Variants in PIBF1 observed in about 807,000 individuals in gnomAD.
PIBF1 encodes progesterone immunomodulatory binding factor 1.
In PIBF1, 90 loss-of-function variants were observed where a neutral mutation model predicts 112.5. That is an observed-to-expected ratio of 0.80 (90% CI 0.67 to 0.95). The LOEUF (loss-of-function observed/expected upper bound fraction) is 0.95, where lower values mean the gene tolerates loss of function less well. Among genes scored for constraint, PIBF1 ranks in the 40% least tolerant of loss-of-function variants. The pLI, the probability that PIBF1 is intolerant of heterozygous loss-of-function variation, is 0.00. For synonymous variants in PIBF1, 301 were observed against 288.6 expected, an observed-to-expected ratio of 1.04 and a Z score of -0.44; for missense variants, 915 against 852.3, an observed-to-expected ratio of 1.07 and a Z score of -0.92.
At chr13:72,827,202 A>T (rs965257694) in intron 7 of PIBF1, 84 bp downstream of exon 7, 37 of 499,186 alleles carry the variant, frequency 7.4e-5, no homozygotes, top group Non-Finnish European at 9.9e-5. Context: ...AAGGAGAGAC[A>T]TTTTTTTTGT....
chr13:72,835,392 T>C (rs778857583), intron 9 of PIBF1, 24 bp downstream of exon 9: 2 of 1,498,044 alleles, frequency 1.3e-6, no homozygotes, highest in Admixed American at 2.3e-5. Context: ...AATGCTTGTA[T>C]GGTATTTTAT....
chr13:72,857,494 G>C (rs956266863), intron 10 of PIBF1, among the ~76,000 whole-genome samples: 1 of 152,198 alleles, frequency 6.6e-6, no homozygotes, highest in Non-Finnish European at 1.5e-5. Flanking sequence ...TCATGTGACT[G>C]ATTTTCCCTT....
intron 14 of PIBF1, among the ~76,000 whole-genome samples, chr13:72,949,127 C>T (rs1004338670): frequency 6.6e-6 from 1 of 152,080 alleles, no homozygotes; most frequent in African/African-American, 2.4e-5. Flanking sequence ...ATACTGAATA[C>T]TGTAATATAT....
chr13:72,975,747 T>C (rs2043004648), intron 16 of PIBF1, among the ~76,000 whole-genome samples: 1 of 152,202 alleles, frequency 6.6e-6, no homozygotes, highest in Admixed American at 6.5e-5. Context: ...TTCTAGACCT[T>C]ATCCATCACC....
intron 14 of PIBF1, among the ~76,000 whole-genome samples, chr13:72,959,390 CT>C (rs1190226547): frequency 6.6e-6 from 1 of 152,106 alleles, no homozygotes; most frequent in Non-Finnish European, 1.5e-5. Context: ...TCAAGCAGGC[CT>C]TTTTCATTCC....
At chr13:72,859,165 G>T (rs2038581165) in intron 10 of PIBF1, among the ~76,000 whole-genome samples, 1 of 152,140 alleles carries the variant, frequency 6.6e-6, no homozygotes, top group Non-Finnish European at 1.5e-5. Context: ...AGCCATGCTT[G>T]CAATGGTTTT....
rs748579711 is a variant in PIBF1 at position 72,797,981 on chromosome 13, A to C, written c.627A>C (p.Ala209=). The change falls in exon 5 of 18, where the codon GCA becomes GCC. Residue 209 remains alanine (A), a synonymous_variant. Transcript: ENST00000326291. ...CELQVKKNIL[A]EELSTNKNQL... The stretch of plus-strand genomic sequence containing the variant: ...TACAAGTGAAAAAGAATATCCTAGC[A>C]GAAGAATTAAGTACAAACAAAAACC... The C allele has an allele frequency of 1.4e-5, 22 of 1,609,744 alleles. No individual in the cohort carries two copies. Among genetic ancestry groups the C allele is most frequent in the South Asian group, 5.5e-5 (5 of 90,168 alleles).
intron 10 of PIBF1, among the ~76,000 whole-genome samples, chr13:72,888,774 T>TA (rs55817912): frequency 0.12 from 17,347 of 145,534 alleles, 1,282 homozygotes; most frequent in Non-Finnish European, 0.17. Flanking sequence ...GCCATTTGTT[T>TA]AAAAAAAAAA....
chr13:72,890,680 C>T (rs2040022119), intron 10 of PIBF1, among the ~76,000 whole-genome samples: 1 of 152,076 alleles, frequency 6.6e-6, no homozygotes, highest in South Asian at 2.1e-4. Context: ...ATAATACTGA[C>T]TTACCTCAAA....
chr13:72,998,019 C>T (rs1303660194), intron 16 of PIBF1, among the ~76,000 whole-genome samples: 1 of 152,112 alleles, frequency 6.6e-6, no homozygotes, highest in Non-Finnish European at 1.5e-5. Flanking sequence ...TGAAGCCAAC[C>T]CCACTTATCA....
intron 3 of PIBF1, 61 bp downstream of exon 3, chr13:72,792,608 T>C (rs1302161144): frequency 1.2e-5 from 10 of 833,032 alleles, no homozygotes. Flanking sequence ...AGTAATTTTA[T>C]TGCCTGTTCA....
intron 11 of PIBF1, among the ~76,000 whole-genome samples, chr13:72,896,222 C>T (rs988545711): frequency 6.6e-6 from 1 of 152,024 alleles, no homozygotes. Context: ...CATTTTGGCT[C>T]ACGGGAAGCC....
chr13:72,903,758 T>G (rs9318124), intron 11 of PIBF1, among the ~76,000 whole-genome samples: 113,155 of 152,046 alleles, frequency 0.74, 42,492 homozygotes, highest in African/African-American at 0.82. Flanking sequence ...AAGAAAAATG[T>G]AAGGTATTTT....
chr13:72,922,583 A>G (rs1186662342), intron 13 of PIBF1, among the ~76,000 whole-genome samples: 3 of 152,160 alleles, frequency 2.0e-5, no homozygotes, highest in Non-Finnish European at 4.4e-5. Flanking sequence ...TAAACCTTTC[A>G]AATTGTGAGA....
intron 5 of PIBF1, among the ~76,000 whole-genome samples, chr13:72,808,973 A>G (rs1280171945): frequency 6.6e-6 from 1 of 152,180 alleles, no homozygotes; most frequent in Non-Finnish European, 1.5e-5. Flanking sequence ...GCAATTAAGA[A>G]AACAAATTTT....
intron 14 of PIBF1, among the ~76,000 whole-genome samples, chr13:72,934,499 A>T (rs1023800438): frequency 6.6e-6 from 1 of 152,078 alleles, no homozygotes; most frequent in Non-Finnish European, 1.5e-5. Flanking sequence ...AGGTTTCACC[A>T]TGTTGGCTAG....
At chr13:72,856,227 T>A (rs145756553) in intron 10 of PIBF1, among the ~76,000 whole-genome samples, 1 of 152,296 alleles carries the variant, frequency 6.6e-6, no homozygotes, top group Non-Finnish European at 1.5e-5. Context: ...ACTACTATTA[T>A]CATAGAATAA....
Position 72,973,573 on chromosome 13 carries a change from TG to T in PIBF1, c.1965-14del. 2.2e-6 allele frequency: 3 copies of T among 1,363,030 alleles called. No homozygotes were observed. Among genetic ancestry groups the T allele is most frequent in the Admixed American group, 2.2e-5 (1 of 45,786 alleles). 84.4% of individuals were successfully genotyped at this position (1,363,030 alleles called of 1,614,324 possible). A position where few individuals can be genotyped will look rare whatever the true frequency, so the allele number is the denominator to read the frequency against. Reference sequence around the variant, plus strand: ...TACTAACATAATGACTTTTTAAAACTGGGGTTTTTTTTTTCAGCAACTTAAA... The same window carrying T: ...TACTAACATAATGACTTTTTAAAACTGGGTTTTTTTTTTCAGCAACTTAAA... On this transcript the variant is annotated splice_polypyrimidine_tract_variant and intron_variant, in intron 15 of 17. Coordinates refer to ENST00000326291, the MANE Select transcript of PIBF1 (RefSeq NM_006346.4).
intron 9 of PIBF1, among the ~76,000 whole-genome samples, chr13:72,850,926 C>A (rs1026353698): frequency 4.6e-5 from 7 of 152,144 alleles, no homozygotes; most frequent in African/African-American, 7.2e-5. Context: ...AAAGTAGTTT[C>A]TTTTCTTTTC....
Sources: gnomAD v4.1 joint callset for allele counts (sites outside exome capture counted in the v4.1 genomes callset) on GRCh38, gnomAD v4.1.1 for gene constraint, MANE v1.5 for transcripts, NCBI Gene and HGNC (gene_info 2026-07-23, HGNC 2026-07-21) for gene names.